Variants in CHAT observed in about 807,000 individuals in gnomAD.
The protein encoded by CHAT is acetyl CoA:choline O-acetyltransferase.
Under a neutral mutation model 76.9 loss-of-function variants are expected in CHAT, and 61 were observed. The ratio of observed to expected loss-of-function variants is 0.79; its 90% CI spans 0.65 to 0.98. CHAT has a LOEUF of 0.98. Ranked by LOEUF, CHAT falls within the 50% of genes least tolerant of loss-of-function variation. The probability of loss-of-function intolerance (pLI) is 0.00; values close to 1 mark genes in which losing one functional copy is unlikely to be tolerated. For missense variants in CHAT, 946 were observed against 986.9 expected (o/e 0.96, Z 0.56); for synonymous variants, 407 against 397.4 (o/e 1.02, Z -0.29).
chr10:49,649,185 G>T (rs868066927), intron 9 of CHAT, among the ~76,000 whole-genome samples: 1 of 152,190 alleles, frequency 6.6e-6, no homozygotes, highest in African/African-American at 2.4e-5. Flanking sequence ...TTGTAGAAGA[G>T]AACAACACAG....
chr10:49,636,011 A>G (rs1385486355), intron 7 of CHAT, among the ~76,000 whole-genome samples: 1 of 152,232 alleles, frequency 6.6e-6, no homozygotes, highest in Non-Finnish European at 1.5e-5. Flanking sequence ...ATGATTATGT[A>G]TGTAGAAAAT....
chr10:49,637,109 A>AT (rs962755911), intron 7 of CHAT, among the ~76,000 whole-genome samples: 4 of 142,856 alleles, frequency 2.8e-5, no homozygotes, highest in South Asian at 2.2e-4. Flanking sequence ...CTTTTTGTTG[A>AT]TTTTTTTTCC....
intron 7 of CHAT, among the ~76,000 whole-genome samples, chr10:49,632,018 G>A (rs1839140889): frequency 6.6e-6 from 1 of 152,042 alleles, no homozygotes; most frequent in South Asian, 2.1e-4. Context: ...GATGAGGGAG[G>A]GGGAGTTGTT....
At chr10:49,643,064 G>C (rs181249894) in intron 7 of CHAT, among the ~76,000 whole-genome samples, 2 of 152,196 alleles carry the variant, frequency 1.3e-5, no homozygotes, top group East Asian at 3.9e-4. Context: ...ATTATCATCC[G>C]TGTTTACAAG....
rs200143133 is a variant in CHAT, at chr10:49,619,877, G to C, written c.540G>C (p.Gln180His). Reference protein sequence around the residue: ...GAPGGLGETLQQKLLERQEKT... With the variant: ...GAPGGLGETLHQKLLERQEKT... ...CTGGTGGCCTCGGCGAGACCCTGCAGCAGAAACTCCTGGAGCGGCAGGAGA... is the reference window on the plus strand; with the variant it reads ...CTGGTGGCCTCGGCGAGACCCTGCACCAGAAACTCCTGGAGCGGCAGGAGA... Residue 180 changes from glutamine to histidine, a missense_variant, in exon 3 of 15, where the codon CAG (glutamine) becomes CAC (histidine). By Grantham distance (24) the Gln-to-His change is conservative. Coordinates refer to ENST00000337653, the MANE Select transcript of CHAT (RefSeq NM_020549.5). 3.1e-6 allele frequency: 5 copies of C among 1,613,316 alleles called. No homozygotes were observed. In the East Asian group the frequency reaches 1.1e-4, roughly 36 times the overall value.
chr10:49,633,466 G>A (rs1305406148), intron 7 of CHAT, among the ~76,000 whole-genome samples: 2 of 152,166 alleles, frequency 1.3e-5, no homozygotes, highest in Admixed American at 6.5e-5. Context: ...CGGGGGTGAA[G>A]CAGGATCTGA....
intron 7 of CHAT, among the ~76,000 whole-genome samples, chr10:49,640,132 T>C (rs1306788387): frequency 6.6e-6 from 1 of 151,736 alleles, no homozygotes; most frequent in Non-Finnish European, 1.5e-5. Context: ...TTGTTGAGGC[T>C]TTTTTATGAT....
rs1384661323 is a variant in CHAT at position 49,614,432 on chromosome 10, G to A, written c.243G>A (p.Trp81Ter). 4 of 1,547,804 alleles carry A rather than the reference G, an allele frequency of 2.6e-6. No homozygotes were observed. Among genetic ancestry groups the A allele is most frequent in the Admixed American group, 2.0e-5 (1 of 51,038 alleles). ...ACACCCCCGCCCACACTCCTGAGTG[G>A]TGCGGTGCAGCGTCGGCCGAGGCAG... ...PAHTPAHTPEWCGAASAEAAE... is the reference protein window; with the variant it reads ...PAHTPAHTPE The change falls in exon 1 of 15, where the codon TGG becomes TGA. Residue 81 changes from tryptophan to a stop codon, truncating the protein, a stop_gained. Coordinates refer to ENST00000337653, the MANE Select transcript of CHAT (RefSeq NM_020549.5). LOFTEE classifies it high-confidence loss of function.
intron 7 of CHAT, among the ~76,000 whole-genome samples, chr10:49,639,163 G>A (rs1167329131): frequency 2.6e-5 from 4 of 152,170 alleles, no homozygotes; most frequent in Non-Finnish European, 5.9e-5. Context: ...GAACCTGGGA[G>A]GCGGAAGTTG....
At chr10:49,621,145 A>G (rs1376607749) in intron 4 of CHAT, among the ~76,000 whole-genome samples, 1 of 152,232 alleles carries the variant, frequency 6.6e-6, no homozygotes, top group Non-Finnish European at 1.5e-5. Context: ...GGATGGGTGC[A>G]GGGAGAAAGG....
chr10:49,656,992 C>T (rs1157651612), intron 13 of CHAT, among the ~76,000 whole-genome samples: 2 of 151,974 alleles, frequency 1.3e-5, no homozygotes, highest in Admixed American at 6.6e-5. Flanking sequence ...TTTTGAAAGC[C>T]GTAAATACAC....
upstream of CHAT, chr10:49,611,696 C>G (rs144950061): frequency 1.1e-5 from 18 of 1,609,434 alleles, no homozygotes; most frequent in Middle Eastern, 1.6e-4. Context: ...ATGAAGCATA[C>G]GATGGCGGCT....
rs1406611340 is a variant in CHAT, at chr10:49,651,906, A to G, written c.1534A>G (p.Ile512Val). 6.2e-7 allele frequency: 1 copy of G among 1,613,990 alleles called. No homozygotes were observed. The highest frequency in any genetic ancestry group is 2.2e-5 in the East Asian group (1 of 44,886). ...CAGAATAGTAAAGAACCTTGACTTC[A>G]TTGTCTATAAGTTTGACAACTATGG... Reference protein sequence around the residue: ...LQRIVKNLDFIVYKFDNYGKT... With the variant: ...LQRIVKNLDFVVYKFDNYGKT... Residue 512 changes from isoleucine (I) to valine (V), a missense_variant, in exon 11 of 15, where the codon ATT becomes GTT. Transcript: ENST00000337653.
intron 10 of CHAT, among the ~76,000 whole-genome samples, chr10:49,650,641 C>T (rs76773576): frequency 0.021 from 3,219 of 152,268 alleles, 68 homozygotes; most frequent in Non-Finnish European, 0.03. Context: ...TGTCACTGTC[C>T]TGTTATGGGC....
chr10:49,650,445 C>T (rs1253978703), intron 10 of CHAT, among the ~76,000 whole-genome samples: 1 of 152,072 alleles, frequency 6.6e-6, no homozygotes, highest in Non-Finnish European at 1.5e-5. Flanking sequence ...TGAGGGAGGG[C>T]CTTGTAGAGA....
At chr10:49,659,104 A>G (rs1384551279) in intron 13 of CHAT, among the ~76,000 whole-genome samples, 2 of 152,236 alleles carry the variant, frequency 1.3e-5, no homozygotes, top group Non-Finnish European at 2.9e-5. Flanking sequence ...GGATAAAAAA[A>G]TCAAATACAA....
chr10:49,642,336 T>C (rs1359238082), intron 7 of CHAT, among the ~76,000 whole-genome samples: 1 of 152,238 alleles, frequency 6.6e-6, no homozygotes, highest in Non-Finnish European at 1.5e-5. Flanking sequence ...CAGCTACTTA[T>C]ATGCAGGGAG....
intron 7 of CHAT, among the ~76,000 whole-genome samples, chr10:49,636,663 G>A (rs945038770): frequency 1.3e-4 from 20 of 152,166 alleles, no homozygotes; most frequent in Middle Eastern, 6.8e-3. Context: ...ATTTCTTTTT[G>A]GGGAGTTTTA....
Position 49,649,608 on chromosome 10 carries a change from T to G in CHAT, c.1483T>G (p.Leu495Val). ...ATGCTCCCCGGAAATTCAAGGCCAC[T>G]TAGCCTCCTCGGCAGAAAAACTTCA... Reference protein sequence around the residue: ...WKCSPEIQGHLASSAEKLQRI... With the variant: ...WKCSPEIQGHVASSAEKLQRI... The change falls in exon 10 of 15, where the codon TTA becomes GTA. Residue 495 changes from leucine to valine, a missense_variant. Around this residue, in one of 3 missense-constraint regions of CHAT, gnomAD observed 349 missense variants for 393.9 expected, o/e 0.89. Transcript: ENST00000337653. 13 of 1,613,876 alleles carry G rather than the reference T, an allele frequency of 8.1e-6. No individual in the cohort carries two copies. The highest frequency in any genetic ancestry group is 1.1e-5 in the Non-Finnish European group (13 of 1,180,032).
Sources: gnomAD v4.1 joint callset for allele counts (sites outside exome capture counted in the v4.1 genomes callset) on GRCh38, gnomAD v4.1.1 for gene constraint, gnomAD v4.1.1 regional missense constraint, MANE v1.5 for transcripts, NCBI Gene and HGNC (gene_info 2026-07-23, HGNC 2026-07-21) for gene names.